TNS3: variants seen among roughly 807,000 people sequenced by gnomAD.
TNS3 encodes the protein tensin-3.
Under a neutral mutation model 140.9 loss-of-function variants are expected in TNS3, and 45 were observed. That is an observed-to-expected ratio of 0.32 (90% CI 0.25 to 0.41). TNS3 has a LOEUF of 0.41. TNS3 is among the 10% of genes least tolerant of loss of function. The probability of loss-of-function intolerance (pLI) is 1.00; values close to 1 mark genes in which losing one functional copy is unlikely to be tolerated. For synonymous variants in TNS3, 815 were observed against 788.4 expected, an observed-to-expected ratio of 1.03 and a Z score of -0.56; for missense variants, 1,716 against 1,906.7, an observed-to-expected ratio of 0.90 and a Z score of 1.86.
chr7:47,460,048 C>T (rs1318580490), intron 4 of TNS3, among the ~76,000 whole-genome samples: 1 of 151,902 alleles, frequency 6.6e-6, no homozygotes, highest in Non-Finnish European at 1.5e-5. Flanking sequence ...CTCGTCTCTA[C>T]TAAAAATACA....
chr7:47,293,086 G>A (rs1044763981), intron 25 of TNS3, among the ~76,000 whole-genome samples, 181 bp from the exon 26 acceptor site: 1 of 152,228 alleles, frequency 6.6e-6, no homozygotes, highest in African/African-American at 2.4e-5. Context: ...AGTTCCACAA[G>A]ATAGTTGAGA....
At chr7:47,293,877 T>G in intron 24 of TNS3, 49 bp from the exon 25 acceptor site, 1 of 1,553,212 alleles carries the variant, frequency 6.4e-7, no homozygotes, top group East Asian at 2.2e-5. Context: ...AATGGGAGCA[T>G]GGGAGAATTC....
At chr7:47,362,500 T>A (rs1168243407) in intron 17 of TNS3, among the ~76,000 whole-genome samples, 1 of 152,182 alleles carries the variant, frequency 6.6e-6, no homozygotes, top group South Asian at 2.1e-4. Context: ...GAACTCTTCC[T>A]GCATGCCAGG....
In TNS3 at chr7:47,396,781, A is replaced by G; in HGVS notation, c.1024+19T>C. The G allele has an allele frequency of 6.3e-7, 1 of 1,597,620 alleles. No individual in the cohort carries two copies. Among genetic ancestry groups the G allele is most frequent in the Non-Finnish European group, 8.6e-7 (1 of 1,164,906 alleles). On this transcript the variant is annotated intron_variant, in intron 16 of 30. Coordinates refer to ENST00000311160, the MANE Select transcript of TNS3 (RefSeq NM_022748.12). ...GTGCCCTTTGCCTCCATAACTGCAC[A>G]CAAGATGAACACACGCACCTTCTCC...
At position 47,440,455 on chromosome 7, in the gene TNS3, C is replaced by G. The variant is rs767980767; in HGVS notation, c.-22-797G>C. Among the ~76,000 whole-genome samples, 69 of 152,156 alleles carry G rather than the reference C, an allele frequency of 4.5e-4. 1 individual carries two copies. Among genetic ancestry groups the G allele is most frequent in the Non-Finnish European group, 8.1e-4 (55 of 68,026 alleles). ...CAACCAGGTGCCCAGGTGGCCAGGG[C>G]AGGCCCCCAAGTGTGAGATGAAGAC... is the stretch of plus-strand genomic sequence containing the variant. On this transcript the variant is annotated intron_variant, in intron 5 of 30. Coordinates refer to ENST00000311160, the MANE Select transcript of TNS3 (RefSeq NM_022748.12).
chr7:47,357,241 T>C (rs990307492), intron 17 of TNS3, among the ~76,000 whole-genome samples: 8 of 152,230 alleles, frequency 5.3e-5, no homozygotes, highest in African/African-American at 1.7e-4. Flanking sequence ...TATCTTGATG[T>C]GATCTTCTAG....
chr7:47,513,424 G>A (rs547053321), intron 2 of TNS3, among the ~76,000 whole-genome samples: 5 of 152,282 alleles, frequency 3.3e-5, no homozygotes, highest in East Asian at 3.9e-4. Flanking sequence ...CCGCCTCGGC[G>A]TCCCAAAATG....
intron 16 of TNS3, among the ~76,000 whole-genome samples, chr7:47,384,969 G>C (rs1263001369): frequency 2.0e-5 from 3 of 152,186 alleles, no homozygotes; most frequent in Admixed American, 2.0e-4. Flanking sequence ...ACCACCTGTT[G>C]CCAGGGGAAG....
intron 11 of TNS3, 81 bp from the exon 12 acceptor site, chr7:47,414,078 C>A (rs754868935): frequency 2.7e-6 from 4 of 1,456,428 alleles, no homozygotes; most frequent in African/African-American, 1.4e-5. Context: ...AGACAGAAAG[C>A]GACGAGGAGA....
At chr7:47,289,406 C>T (rs1170879280) in intron 27 of TNS3, among the ~76,000 whole-genome samples, 1 of 152,222 alleles carries the variant, frequency 6.6e-6, no homozygotes, top group African/African-American at 2.4e-5. Flanking sequence ...TCCTCTCTAG[C>T]TGTGTCCCTC....
chr7:47,424,377 G>A (rs1202636078), intron 9 of TNS3, among the ~76,000 whole-genome samples, 193 bp from the exon 10 acceptor site: 1 of 152,204 alleles, frequency 6.6e-6, no homozygotes, highest in Non-Finnish European at 1.5e-5. Flanking sequence ...AATATGCTGT[G>A]CTCAAAGTGG....
At chr7:47,292,065 G>A in intron 26 of TNS3, 33 bp from the exon 27 acceptor site, 1 of 1,603,408 alleles carries the variant, frequency 6.2e-7, no homozygotes, top group East Asian at 2.2e-5. Flanking sequence ...ACAGAAATGA[G>A]TCCTGCTCCT....
At chr7:47,392,269 T>A (rs1317195306) in intron 16 of TNS3, among the ~76,000 whole-genome samples, 1 of 152,030 alleles carries the variant, frequency 6.6e-6, no homozygotes, top group African/African-American at 2.4e-5. Flanking sequence ...AGACAGGGCG[T>A]TTGTAATCAC....
At chr7:47,563,099 C>A (rs903676397) in intron 1 of TNS3, among the ~76,000 whole-genome samples, 5 of 152,204 alleles carry the variant, frequency 3.3e-5, no homozygotes, top group South Asian at 2.1e-4. Context: ...CATCCCCGGG[C>A]CAGGCCCTCT....
At chr7:47,392,257 G>A (rs1205405263) in intron 16 of TNS3, among the ~76,000 whole-genome samples, 1 of 152,164 alleles carries the variant, frequency 6.6e-6, no homozygotes, top group East Asian at 1.9e-4. Context: ...TCTCTGTGCT[G>A]AAGACAGGGC....
intron 4 of TNS3, among the ~76,000 whole-genome samples, chr7:47,443,143 T>G (rs1438533699): frequency 6.6e-6 from 1 of 152,114 alleles, no homozygotes; most frequent in Admixed American, 6.5e-5. Flanking sequence ...TGGGTCCACC[T>G]CCTCATTGTT....
chr7:47,319,001 A>G (rs1328159230), intron 20 of TNS3, among the ~76,000 whole-genome samples: 1 of 152,188 alleles, frequency 6.6e-6, no homozygotes, highest in Non-Finnish European at 1.5e-5. Flanking sequence ...TGGGACACAG[A>G]TGACATGTGC....
intron 1 of TNS3, among the ~76,000 whole-genome samples, chr7:47,568,943 G>T (rs1306857893): frequency 6.6e-6 from 1 of 152,222 alleles, no homozygotes; most frequent in East Asian, 1.9e-4. Flanking sequence ...CTGTGGCTGT[G>T]AACAAAGCCC....
chr7:47,521,169 G>A (rs540395552), intron 2 of TNS3, among the ~76,000 whole-genome samples: 5 of 152,072 alleles, frequency 3.3e-5, no homozygotes, highest in Admixed American at 6.6e-5. Context: ...TTCCTCCATC[G>A]TCCTGACAAT....
Sources: allele counts gnomAD v4.1 joint callset (sites outside exome capture counted in the v4.1 genomes callset), GRCh38; gene constraint gnomAD v4.1.1; transcripts MANE v1.5; gene names NCBI Gene and HGNC (gene_info 2026-07-23, HGNC 2026-07-21).